RELN: variants seen among roughly 807,000 people sequenced by gnomAD.
RELN encodes the protein reelin.
RELN carries 108 observed loss-of-function variants against 427.6 expected under a neutral mutation model. The ratio of observed to expected loss-of-function variants is 0.25; its 90% confidence interval spans 0.22 to 0.30. The LOEUF (loss-of-function observed/expected upper bound fraction) is 0.30, where lower values mean the gene tolerates loss of function less well. Among genes scored for constraint, RELN ranks in the 10% least tolerant of loss-of-function variants. The probability of loss-of-function intolerance (pLI) is 1.00; values close to 1 mark genes in which losing one functional copy is unlikely to be tolerated. For synonymous variants in RELN, 1,524 were observed against 1,513.4 expected, an observed-to-expected ratio of 1.01 and a Z score of -0.16; for missense variants, 3,715 against 4,302.8, an observed-to-expected ratio of 0.86 and a Z score of 3.82.
intron 52 of RELN, 95 bp from the exon 53 acceptor site, chr7:103,501,017 A>G: frequency 9.0e-7 from 1 of 1,107,990 alleles, no homozygotes; most frequent in Non-Finnish European, 1.4e-6. Context: ...AAGAGAAAAA[A>G]CATTTAAGAT....
chr7:103,522,917 T>G (rs1584262543), intron 47 of RELN, among the ~76,000 whole-genome samples: 1 of 152,044 alleles, frequency 6.6e-6, no homozygotes, highest in Non-Finnish European at 1.5e-5. Flanking sequence ...ACAATAGGCC[T>G]GTGCATCAAA....
chr7:103,774,891 AC>A (rs1417940393), intron 4 of RELN, among the ~76,000 whole-genome samples: 6 of 152,136 alleles, frequency 3.9e-5, no homozygotes, highest in African/African-American at 1.4e-4. Context: ...AATAATATCC[AC>A]ATGTACCACT....
In RELN at chr7:103,535,529, A is replaced by G. The variant is rs779075555; in HGVS notation, c.7181-45T>C. On this transcript the variant is annotated intron_variant, in intron 45 of 64. Transcript: ENST00000428762. ...TTTGGATATAAACACATATCTGCAG[A>G]CCCAGGAACCATAATTGTTTATCAC... 371 of 1,523,222 alleles carry G rather than the reference A, an allele frequency of 2.4e-4. No homozygotes were observed. Among genetic ancestry groups the G allele is most frequent in the Non-Finnish European group, 3.4e-4 (368 of 1,098,338 alleles). The allele number at this position is 1,523,222 out of a possible 1,614,324, so 94.4% of individuals were successfully genotyped here.
At chr7:103,979,584 G>T (rs539214910) in intron 1 of RELN, among the ~76,000 whole-genome samples, 1 of 152,204 alleles carries the variant, frequency 6.6e-6, no homozygotes, top group African/African-American at 2.4e-5. Context: ...ATCCCATTGG[G>T]TTTATATCAC....
At chr7:103,905,216 G>A (rs901193219) in intron 2 of RELN, among the ~76,000 whole-genome samples, 1 of 151,874 alleles carries the variant, frequency 6.6e-6, no homozygotes, top group African/African-American at 2.4e-5. Context: ...CCTGACGAGT[G>A]TTCCACCCAC....
intron 1 of RELN, among the ~76,000 whole-genome samples, chr7:103,961,215 C>T (rs895256625): frequency 2.0e-5 from 3 of 152,118 alleles, no homozygotes; most frequent in Non-Finnish European, 4.4e-5. Context: ...ATTTCTAGGT[C>T]CTAATGAAAA....
At chr7:103,933,817 C>T (rs1264079135) in intron 1 of RELN, among the ~76,000 whole-genome samples, 1 of 152,124 alleles carries the variant, frequency 6.6e-6, no homozygotes, top group Non-Finnish European at 1.5e-5. Flanking sequence ...AACCACGTGG[C>T]CTCATGCAGA....
In RELN at chr7:103,749,452, G is replaced by C. The variant is rs763577844; in HGVS notation, c.630C>G (p.His210Gln). 6.2e-7 allele frequency: 1 copy of C among 1,613,068 alleles called. No individual in the cohort carries two copies. Among genetic ancestry groups the C allele is most frequent in the South Asian group, 1.1e-5 (1 of 91,064 alleles). The change falls in exon 6 of 65, where the codon CAC becomes CAG. Residue 210 changes from histidine (H) to glutamine (Q), a missense_variant. Around this residue, in one of 4 missense-constraint regions of RELN, gnomAD observed 2,208 missense variants for 2,361.7 expected, o/e 0.93. Coordinates refer to ENST00000428762, the MANE Select transcript of RELN (RefSeq NM_005045.4). ...IILRDDFDSY[H>Q]QLQLNPNIWV... Reference sequence around the variant, plus strand: ...ATATATTTGGATTTAATTGCAGTTGGTGGTAGGAGTCAAAGTCATCTCTCA... The same window carrying C: ...ATATATTTGGATTTAATTGCAGTTGCTGGTAGGAGTCAAAGTCATCTCTCA...
chr7:103,590,979 T>C (rs1236315041), intron 27 of RELN, among the ~76,000 whole-genome samples: 3 of 152,218 alleles, frequency 2.0e-5, no homozygotes, highest in South Asian at 2.1e-4. Context: ...AGTCAAAATG[T>C]AGAAACACTT....
Position 103,540,444 on chromosome 7 carries a change from A to C in RELN, c.6683T>G (p.Phe2228Cys). 1 of 1,613,936 alleles carries C rather than the reference A, an allele frequency of 6.2e-7. No individual in the cohort carries two copies. The highest frequency in any genetic ancestry group is 8.5e-7 in the Non-Finnish European group (1 of 1,180,020). ...LDLSHARFVQ[F>C]FMRLGCGKGV... Reference sequence around the variant, plus strand: ...TTTACCACATCCCAGTCTCATGAAGAACTGCACAAATCTGACATTTGTAAA... The same window carrying C: ...TTTACCACATCCCAGTCTCATGAAGCACTGCACAAATCTGACATTTGTAAA... Residue 2228 changes from phenylalanine to cysteine, a missense_variant, in exon 44 of 65, where the codon TTC becomes TGC. Phe to Cys is a radical substitution (Grantham distance 205, BLOSUM62 -2). Transcript: ENST00000428762.
chr7:103,590,373 C>T (rs1367654410), intron 27 of RELN, among the ~76,000 whole-genome samples: 2 of 151,988 alleles, frequency 1.3e-5, no homozygotes, highest in South Asian at 2.1e-4. Flanking sequence ...ACTAGCATGG[C>T]CAAGATGGTA....
intron 1 of RELN, among the ~76,000 whole-genome samples, chr7:103,945,214 T>C (rs1414409864): frequency 3.9e-5 from 6 of 152,026 alleles, no homozygotes; most frequent in Admixed American, 6.5e-5. Context: ...CAGAACAAAA[T>C]TGACCAATTT....
At chr7:103,541,249 CAT>C (rs1177858982) in intron 43 of RELN, among the ~76,000 whole-genome samples, 1 of 152,188 alleles carries the variant, frequency 6.6e-6, no homozygotes. Flanking sequence ...AACTAGCTCA[CAT>C]GTTATCTTTG....
At chr7:103,646,498 T>C (rs1238117925) in intron 16 of RELN, among the ~76,000 whole-genome samples, 1 of 151,894 alleles carries the variant, frequency 6.6e-6, no homozygotes, top group African/African-American at 2.4e-5. Flanking sequence ...AACATCTTTA[T>C]GTGCACAATC....
intron 6 of RELN, among the ~76,000 whole-genome samples, chr7:103,747,178 C>A (rs1158887237): frequency 6.6e-6 from 1 of 150,762 alleles, no homozygotes; most frequent in African/African-American, 2.5e-5. Context: ...AAACCAAACA[C>A]CGCATGTTCT....
chr7:103,627,605 C>T, intron 20 of RELN, among the ~76,000 whole-genome samples: 1 of 150,082 alleles, frequency 6.7e-6, no homozygotes, highest in East Asian at 1.9e-4. Flanking sequence ...TTATCACCAC[C>T]AGGGTATACT....
At chr7:103,712,271 AAGTTTCTG>A (rs11280135) in intron 8 of RELN, among the ~76,000 whole-genome samples, 32,192 of 152,054 alleles carry the variant, frequency 0.21, 4,090 homozygotes, top group South Asian at 0.37. Flanking sequence ...CAGAGCCAGG[AAGTTTCTG>A]AAATTCACAA....
intron 4 of RELN, among the ~76,000 whole-genome samples, chr7:103,772,327 TG>T (rs1791589606): frequency 2.0e-5 from 3 of 152,144 alleles, no homozygotes; most frequent in Non-Finnish European, 4.4e-5. Flanking sequence ...AATGAATGAA[TG>T]AATGAATGAA....
intron 1 of RELN, among the ~76,000 whole-genome samples, chr7:103,919,177 C>T (rs1481992579): frequency 1.4e-5 from 2 of 141,364 alleles, no homozygotes; most frequent in Admixed American, 7.3e-5. Context: ...GGAAATGTTG[C>T]CCAGACTCTC....
Sources: gnomAD v4.1 joint callset for allele counts (sites outside exome capture counted in the v4.1 genomes callset) on GRCh38, gnomAD v4.1.1 for gene constraint, gnomAD v4.1.1 regional missense constraint, MANE v1.5 for transcripts, NCBI Gene and HGNC (gene_info 2026-07-23, HGNC 2026-07-21) for gene names.